Variants in SLC34A3 observed in about 807,000 individuals in gnomAD.
SLC34A3 encodes the protein sodium-dependent phosphate transport protein 2C.
Under a neutral mutation model 43.9 loss-of-function variants are expected in SLC34A3, and 60 were observed. The observed-to-expected ratio is 1.37, with a 90% CI of 1.11 to 1.70. The LOEUF (loss-of-function observed/expected upper bound fraction) is 1.70, where lower values mean the gene tolerates loss of function less well. Among genes scored for constraint, SLC34A3 ranks in the 40% most tolerant of loss-of-function variants. The pLI is 0.00. For synonymous variants in SLC34A3, 451 were observed against 386.2 expected (o/e 1.17, Z -1.97); for missense variants, 969 against 823.8 (o/e 1.18, Z -2.16).
Position 137,233,615 on chromosome 9 carries a change from G to C in SLC34A3, c.757-18G>C, listed in dbSNP as rs201813768. On this transcript the variant is annotated intron_variant, in intron 7 of 12. Coordinates refer to ENST00000673835, the MANE Select transcript of SLC34A3 (RefSeq NM_001177316.2). ...GAGAGAGGGTGCAGCACACCGTCAC[G>C]ACCCCTCTGGCCCCCAGTTGGACTC... is the stretch of plus-strand genomic sequence containing the variant. 44 of 1,610,302 alleles carry C rather than the reference G, an allele frequency of 2.7e-5. No homozygotes were observed. Among genetic ancestry groups the C allele is most frequent in the Middle Eastern group, 1.7e-4 (1 of 6,036 alleles).
chr9:137,234,309 G>A lies in SLC34A3; in HGVS notation c.1093+33G>A. The stretch of plus-strand genomic sequence containing the variant: ...CGTGGGAGGAGGTGCGGTGGCCAGG[G>A]CTGACCCAGCATCCCCCATAGACTT... On this transcript the variant is annotated intron_variant, in intron 10 of 12. Coordinates refer to ENST00000673835, the MANE Select transcript of SLC34A3 (RefSeq NM_001177316.2). This position sits in a 1 kb window ranked among gnomAD's most constrained non-coding sequence, Gnocchi z 6.9. 6.2e-7 allele frequency: 1 copy of A among 1,606,632 alleles called. No individual in the cohort carries two copies.
chr9:137,233,831 A>C (rs769278510), intron 8 of SLC34A3, 32 bp from the exon 9 acceptor site: 2 of 1,388,884 alleles, frequency 1.4e-6, no homozygotes, highest in Admixed American at 2.1e-5. Context: ...CTGCCCACTG[A>C]GCCTGTCCTG....
In SLC34A3 at chr9:137,236,041, G is replaced by A. The variant is rs140872244; in HGVS notation, c.1425G>A (p.Arg475=). ...TGCGGCTGCCCATCCCGCTGGCCAG[G>A]CACTTCGGGGTGGTGACCGCCCGTT... ...PALRLPIPLA[R]HFGVVTARYR... The change falls in exon 13 of 13, where the codon AGG becomes AGA. Residue 475 remains arginine, a synonymous_variant. Coordinates refer to ENST00000673835, the MANE Select transcript of SLC34A3 (RefSeq NM_001177316.2). 9 of 1,612,482 alleles carry A rather than the reference G, an allele frequency of 5.6e-6. No homozygotes were observed. In the African/African-American group the frequency reaches 1.1e-4, roughly 19 times the overall value.
rs201759654 is a variant in SLC34A3 at position 137,234,445 on chromosome 9, G to A, written c.1123G>A (p.Gly375Ser). The change falls in exon 11 of 13, where the codon GGC (glycine) becomes AGC (serine). Residue 375 changes from glycine (G) to serine (S), a missense_variant. Transcript: ENST00000673835. The surrounding 1 kb of genome is among the most constrained non-coding windows in gnomAD (Gnocchi z 6.9). ...DFPFPLGWLG[G>S]YLAVLAGAGL... ...CCCCTTCCCGCTGGGCTGGCTCGGC[G>A]GCTACCTGGCCGTCCTCGCGGGCGC... is the stretch of plus-strand genomic sequence containing the variant. The A allele has an allele frequency of 4.2e-4, 674 of 1,599,174 alleles. 5 individuals carry two copies. The African/African-American group carries it at 7.8e-3, about 18-fold the overall frequency.
chr9:137,233,828 C>G, intron 8 of SLC34A3, 35 bp from the exon 9 acceptor site: 1 of 1,592,566 alleles, frequency 6.3e-7, no homozygotes, highest in Non-Finnish European at 8.6e-7. Flanking sequence ...TGTCTGCCCA[C>G]TGAGCCTGTC....
rs530665638 is a variant in SLC34A3, at chr9:137,231,652, C to A, written c.-39-12C>A. The A allele has an allele frequency of 4.9e-6, 7 of 1,422,342 alleles. No individual in the cohort carries two copies. The Admixed American group carries it at 5.0e-5, about 10-fold the overall frequency. The allele number at this position is 1,422,342 out of a possible 1,614,324, so 88.1% of individuals were successfully genotyped here. A position where few individuals can be genotyped will look rare whatever the true frequency, so the allele number is the denominator to read the frequency against. On this transcript the variant is annotated splice_polypyrimidine_tract_variant and intron_variant, in intron 1 of 12. Transcript: ENST00000673835. Reference sequence around the variant, plus strand: ...GAGGAAATGTCTCTGACACGCGCGTCCCCCCCAGCAGATCTAGACCTGGGC... The same window carrying A: ...GAGGAAATGTCTCTGACACGCGCGTACCCCCCAGCAGATCTAGACCTGGGC...
At chr9:137,230,321 C>T (rs899323198), upstream of SLC34A3, among the ~76,000 whole-genome samples, 1 of 152,170 alleles carries the variant, frequency 6.6e-6, no homozygotes, top group Non-Finnish European at 1.5e-5. Flanking sequence ...ATACCAGGGC[C>T]GAGCCCGCTA....
chr9:137,231,883 G>A (rs943298161), intron 2 of SLC34A3, 96 bp downstream of exon 2: 12 of 1,251,532 alleles, frequency 9.6e-6, no homozygotes, highest in East Asian at 4.6e-5. Context: ...CGGGCCTCCC[G>A]GGGAACCCAC....
At position 137,232,873 on chromosome 9, in the gene SLC34A3, G is replaced by A. The variant is rs201369751; in HGVS notation, c.394G>A (p.Val132Met). The A allele has an allele frequency of 2.0e-5, 32 of 1,612,174 alleles. No homozygotes were observed. In the Admixed American group the frequency reaches 2.3e-4, roughly 12 times the overall value. ...CATTGGCGTGCTGGTCACAGCCCTG[G>A]TGCAGAGTTCCAGCACGTCCTCCTC... ...LVIGVLVTAL[V>M]QSSSTSSSIV... The change falls in exon 5 of 13, where the codon GTG (valine) becomes ATG (methionine). Residue 132 changes from valine to methionine, a missense_variant. Val to Met is a conservative substitution (Grantham distance 21). Coordinates refer to ENST00000673835, the MANE Select transcript of SLC34A3 (RefSeq NM_001177316.2).
intron 3 of SLC34A3, 75 bp from the exon 4 acceptor site, chr9:137,232,500 A>C: frequency 1.9e-6 from 3 of 1,585,962 alleles, no homozygotes; most frequent in Non-Finnish European, 2.6e-6. Flanking sequence ...GAGAGGGGGC[A>C]GAGAATGAGG....
chr9:137,233,779 T>TTTGGCCCC, intron 8 of SLC34A3, 57 bp downstream of exon 8: 2 of 1,445,816 alleles, frequency 1.4e-6, no homozygotes, highest in Non-Finnish European at 1.9e-6. Context: ...TGCTGAGTCA[T>TTTGGCCCC]CCCGCCCCAC....
chr9:137,233,528 G>C (rs1188555584), intron 7 of SLC34A3, 105 bp from the exon 8 acceptor site: 62 of 1,557,408 alleles, frequency 4.0e-5, no homozygotes, highest in Non-Finnish European at 5.3e-5. Context: ...CAGGGGAGGA[G>C]AGGGCAGCAG....
chr9:137,236,048 G>A lies in SLC34A3; in HGVS notation c.1432G>A (p.Gly478Arg), dbSNP rs758689905. 3.5e-5 allele frequency: 57 copies of A among 1,612,480 alleles called. No homozygotes were observed. The highest frequency in any genetic ancestry group is 6.7e-5 in the East Asian group (3 of 44,892). ...RLPIPLARHF[G>R]VVTARYRWVA... ...GCCCATCCCGCTGGCCAGGCACTTC[G>A]GGGTGGTGACCGCCCGTTACCGCTG... Residue 478 changes from glycine (G) to arginine (R), a missense_variant, in exon 13 of 13, where the codon GGG (glycine) becomes AGG (arginine). Coordinates refer to ENST00000673835, the MANE Select transcript of SLC34A3 (RefSeq NM_001177316.2).
Position 137,233,736 on chromosome 9 carries a change from C to G in SLC34A3, c.846+14C>G. ...ACGGGGCAGCCGGTGAGGCACCCAACCCTAGGCCCTCACTGACCCCCAACC... is the reference window on the plus strand; with the variant it reads ...ACGGGGCAGCCGGTGAGGCACCCAAGCCTAGGCCCTCACTGACCCCCAACC... On this transcript the variant is annotated intron_variant, in intron 8 of 12. Coordinates refer to ENST00000673835, the MANE Select transcript of SLC34A3 (RefSeq NM_001177316.2). The G allele has an allele frequency of 1.2e-6, 2 of 1,611,330 alleles. No homozygotes were observed. Among genetic ancestry groups the G allele is most frequent in the Non-Finnish European group, 1.7e-6 (2 of 1,179,106 alleles).
At position 137,234,480 on chromosome 9, in the gene SLC34A3, C is replaced by A. The variant is rs1347433648; in HGVS notation, c.1158C>A (p.Thr386=). The A allele has an allele frequency of 3.7e-6, 6 of 1,602,208 alleles. No homozygotes were observed. In the Admixed American group the frequency reaches 5.0e-5, roughly 13 times the overall value. The change falls in exon 11 of 13, where the codon ACC becomes ACA. Residue 386 remains threonine (T), a synonymous_variant. Coordinates refer to ENST00000673835, the MANE Select transcript of SLC34A3 (RefSeq NM_001177316.2). This position sits in a 1 kb window ranked among gnomAD's most constrained non-coding sequence, Gnocchi z 6.9. ...CCGTCCTCGCGGGCGCCGGCCTGACCTTCGCACTGCAGAGCAGCAGCGTCT... is the reference window on the plus strand; with the variant it reads ...CCGTCCTCGCGGGCGCCGGCCTGACATTCGCACTGCAGAGCAGCAGCGTCT... The part of the protein sequence containing the change: ...YLAVLAGAGL[T]FALQSSSVFT...
chr9:137,232,109 C>A lies in SLC34A3; in HGVS notation c.123C>A (p.Asp41Glu), dbSNP rs1179016195. ...SSSAPVLEEG[D>E]TDPWTLPQLK... is the part of the protein sequence containing the mutation. ...CTGCTCCAGTCTTGGAGGAAGGGGA[C>A]ACAGACCCCTGGACCCTCCCTCAGC... Residue 41 changes from aspartate (D) to glutamate (E), a missense_variant, in exon 3 of 13, where the codon GAC becomes GAA. Asp to Glu is a conservative substitution (Grantham distance 45, BLOSUM62 2). Transcript: ENST00000673835. 6.2e-7 allele frequency: 1 copy of A among 1,613,102 alleles called. No homozygotes were observed. The highest frequency in any genetic ancestry group is 8.5e-7 in the Non-Finnish European group (1 of 1,180,026).
chr9:137,233,779 T>TACCCCC, intron 8 of SLC34A3, 57 bp downstream of exon 8: 18 of 1,445,810 alleles, frequency 1.2e-5, no homozygotes, highest in South Asian at 3.5e-5. Flanking sequence ...TGCTGAGTCA[T>TACCCCC]CCCGCCCCAC....
chr9:137,235,816 C>T (rs796792753), intron 12 of SLC34A3, 136 bp from the exon 13 acceptor site: 13 of 787,752 alleles, frequency 1.7e-5, no homozygotes, highest in Non-Finnish European at 1.9e-5. Context: ...GCCTCCCAGA[C>T]GGCCATCTCA....
At position 137,231,669 on chromosome 9, in the gene SLC34A3, G is replaced by A. The variant is rs1588840121; in HGVS notation, c.-34G>A. 1 of 1,586,352 alleles carries A rather than the reference G, an allele frequency of 6.3e-7. No homozygotes were observed. The highest frequency in any genetic ancestry group is 2.2e-5 in the East Asian group (1 of 44,746). ...ACGCGCGTCCCCCCCAGCAGATCTA[G>A]ACCTGGGCCTGGGTCTGTCCCTGCC... On this transcript the variant is annotated 5_prime_UTR_variant, in exon 2 of 13. Coordinates refer to ENST00000673835, the MANE Select transcript of SLC34A3 (RefSeq NM_001177316.2).
Sources: allele counts gnomAD v4.1 joint callset (sites outside exome capture counted in the v4.1 genomes callset), GRCh38; gene constraint gnomAD v4.1.1; non-coding constraint Gnocchi (gnomAD v3.1); transcripts MANE v1.5; gene names NCBI Gene and HGNC (gene_info 2026-07-23, HGNC 2026-07-21).